Variants in SLC22A3 observed in about 807,000 individuals in gnomAD.
The protein encoded by SLC22A3 is EMT organic cation transporter 3.
A neutral mutation model predicts 59.1 loss-of-function variants in SLC22A3; 51 were observed. That is an observed-to-expected ratio of 0.86 (90% CI 0.69 to 1.09). The LOEUF (loss-of-function observed/expected upper bound fraction) is 1.09. Among genes scored for constraint, SLC22A3 ranks in the 50% least tolerant of loss-of-function variants. The probability of loss-of-function intolerance (pLI) is 0.00; values close to 1 mark genes in which losing one functional copy is unlikely to be tolerated. For synonymous variants in SLC22A3, 325 were observed against 292.0 expected (o/e 1.11, Z -1.15); for missense variants, 711 against 726.3 (o/e 0.98, Z 0.24).
intron 5 of SLC22A3, among the ~76,000 whole-genome samples, chr6:160,425,141 T>G (rs1194316602): frequency 2.0e-5 from 3 of 152,200 alleles, no homozygotes; most frequent in Admixed American, 1.3e-4. Context: ...GTAAACAACT[T>G]GGTACATTTT....
chr6:160,353,676 G>A (rs922230122), intron 1 of SLC22A3, among the ~76,000 whole-genome samples: 6 of 152,124 alleles, frequency 3.9e-5, no homozygotes, highest in African/African-American at 1.4e-4. Context: ...AGGAGCAGTG[G>A]TTGGTGTGCA....
intron 1 of SLC22A3, among the ~76,000 whole-genome samples, chr6:160,353,880 C>T (rs1784741430): frequency 1.3e-5 from 2 of 152,076 alleles, no homozygotes; most frequent in African/African-American, 2.4e-5. Flanking sequence ...CCACCAAGCA[C>T]ACCCTGGAGA....
At chr6:160,364,421 A>G (rs774029769) in intron 1 of SLC22A3, among the ~76,000 whole-genome samples, 2 of 152,246 alleles carry the variant, frequency 1.3e-5, no homozygotes, top group African/African-American at 2.4e-5. Flanking sequence ...TGTGACACAG[A>G]TGAGTAGATG....
chr6:160,442,806 G>A lies in SLC22A3; in HGVS notation c.1334G>A (p.Gly445Glu), dbSNP rs749901413. ...RTTVATLGRL[G>E]ITMAFEIVYL... ...ACAGTGGCTACATTGGGAAGACTAG[G>A]GATAACCATGGCCTTTGAAATTGTT... Residue 445 changes from glycine to glutamate, a missense_variant, in exon 8 of 11, where the codon GGG becomes GAG. Transcript: ENST00000275300. 1 of 1,614,022 alleles carries A rather than the reference G, an allele frequency of 6.2e-7. No individual in the cohort carries two copies. Among genetic ancestry groups the A allele is most frequent in the Admixed American group, 1.7e-5 (1 of 60,004 alleles).
At chr6:160,432,795 T>C (rs1788200864) in intron 5 of SLC22A3, among the ~76,000 whole-genome samples, 1 of 152,232 alleles carries the variant, frequency 6.6e-6, no homozygotes, top group African/African-American at 2.4e-5. Context: ...ATATTCTACA[T>C]ACTGCAGACA....
chr6:160,436,714 A>G, intron 5 of SLC22A3, 66 bp from the exon 6 acceptor site: 1 of 992,194 alleles, frequency 1.0e-6, no homozygotes, highest in East Asian at 2.4e-5. Flanking sequence ...GTTAATGACA[A>G]GTCTATACTA....
chr6:160,429,319 T>C (rs1788068770), intron 5 of SLC22A3, among the ~76,000 whole-genome samples: 1 of 152,188 alleles, frequency 6.6e-6, no homozygotes, highest in South Asian at 2.1e-4. Context: ...TTCTTTCTTA[T>C]TGGTGTCATC....
chr6:160,407,193 T>C lies in SLC22A3; in HGVS notation c.686T>C (p.Ile229Thr), dbSNP rs771916142. The part of the protein sequence containing the change: ...GKGTWMTCYV[I>T]VTEIVGSKQR... Reference sequence around the variant, plus strand: ...GGGACGTGGATGACTTGCTACGTGATTGGTAAGACATTCTTACACCATCTT... The same window carrying C: ...GGGACGTGGATGACTTGCTACGTGACTGGTAAGACATTCTTACACCATCTT... The change falls in exon 3 of 11, where the codon ATT becomes ACT. Residue 229 changes from isoleucine (I) to threonine (T), a missense_variant and splice_region_variant. Physicochemically the swap from Ile to Thr is moderately conservative, Grantham distance 89. Coordinates refer to ENST00000275300, the MANE Select transcript of SLC22A3 (RefSeq NM_021977.4). 13 of 1,606,592 alleles carry C rather than the reference T, an allele frequency of 8.1e-6. No homozygotes were observed. The highest frequency in any genetic ancestry group is 3.4e-5 in the Admixed American group (2 of 58,856).
Position 160,436,777 on chromosome 6 carries a change from T to C in SLC22A3, c.976-3T>C. The C allele has an allele frequency of 3.1e-6, 5 of 1,598,380 alleles. No homozygotes were observed. The highest frequency in any genetic ancestry group is 4.3e-6 in the Non-Finnish European group (5 of 1,165,930). ...GCTACTGAAATCTGCTTTTCTTATA[T>C]AGATCACTGTTACAGATGAGGAAGT... On this transcript the variant is annotated splice_polypyrimidine_tract_variant and splice_region_variant and intron_variant, in intron 5 of 10. Transcript: ENST00000275300.
At chr6:160,420,413 A>T (rs1220863009) in intron 5 of SLC22A3, among the ~76,000 whole-genome samples, 2 of 152,172 alleles carry the variant, frequency 1.3e-5, no homozygotes, top group Non-Finnish European at 2.9e-5. Flanking sequence ...CCTTTATCAA[A>T]ATGTTAACTA....
At chr6:160,398,199 C>A in intron 2 of SLC22A3, 117 bp downstream of exon 2, 1 of 741,542 alleles carries the variant, frequency 1.3e-6, no homozygotes, top group African/African-American at 1.7e-5. Context: ...GCAAACAATT[C>A]TTGATTCCAT....
intron 5 of SLC22A3, among the ~76,000 whole-genome samples, chr6:160,433,460 A>G (rs1788225057): frequency 6.6e-6 from 1 of 152,146 alleles, no homozygotes; most frequent in Non-Finnish European, 1.5e-5. Context: ...AGTCAGGAGG[A>G]TTGTTCAAGC....
chr6:160,425,623 G>T (rs1165832880), intron 5 of SLC22A3, among the ~76,000 whole-genome samples: 1 of 151,834 alleles, frequency 6.6e-6, no homozygotes, highest in South Asian at 2.1e-4. Context: ...AACTAAACAC[G>T]AAGTTGAAGA....
At chr6:160,397,057 A>G (rs1352084691) in intron 1 of SLC22A3, among the ~76,000 whole-genome samples, 7 of 152,176 alleles carry the variant, frequency 4.6e-5, no homozygotes, top group African/African-American at 1.7e-4. Context: ...AGCATATAAT[A>G]TTCATACTCT....
intron 5 of SLC22A3, among the ~76,000 whole-genome samples, chr6:160,431,012 G>A (rs758019572): frequency 6.6e-6 from 1 of 152,154 alleles, no homozygotes; most frequent in African/African-American, 2.4e-5. Context: ...CGGTTGTGGT[G>A]GTGGTTATAA....
intron 5 of SLC22A3, among the ~76,000 whole-genome samples, chr6:160,436,414 C>T (rs1788336008): frequency 6.6e-6 from 1 of 152,160 alleles, no homozygotes; most frequent in Non-Finnish European, 1.5e-5. Context: ...TTGTGAAAGT[C>T]AGATTTGAGG....
Position 160,452,495 on chromosome 6 carries a change from G to A in SLC22A3, c.*1439G>A, listed in dbSNP as rs917070063. ...TTGCTTTTCTCTGCATTTCTCTGCTGTAAGATGACTGTTGCATTGTTGAAT... is the reference window on the plus strand; with the variant it reads ...TTGCTTTTCTCTGCATTTCTCTGCTATAAGATGACTGTTGCATTGTTGAAT... On this transcript the variant is annotated 3_prime_UTR_variant, in exon 11 of 11. Coordinates refer to ENST00000275300, the MANE Select transcript of SLC22A3 (RefSeq NM_021977.4). 6.6e-6 allele frequency: 1 copy of A among 152,190 alleles called. No homozygotes were observed. Among genetic ancestry groups the A allele is most frequent in the South Asian group, 2.1e-4 (1 of 4,824 alleles). 9.4% of individuals were successfully genotyped at this position (152,190 alleles called of 1,614,324 possible). A position where few individuals can be genotyped will look rare whatever the true frequency, so the allele number is the denominator to read the frequency against.
intron 1 of SLC22A3, among the ~76,000 whole-genome samples, chr6:160,358,435 C>T (rs1784910583): frequency 6.6e-6 from 1 of 152,156 alleles, no homozygotes; most frequent in Non-Finnish European, 1.5e-5. Context: ...TGGCAAGCCC[C>T]TAGGGCTGAG....
chr6:160,353,886 GGA>G (rs1784741794), intron 1 of SLC22A3, among the ~76,000 whole-genome samples: 1 of 152,106 alleles, frequency 6.6e-6, no homozygotes, highest in African/African-American at 2.4e-5. Context: ...AGCACACCCT[GGA>G]GACTCTCAGA....
Sources: gnomAD v4.1 joint callset for allele counts (sites outside exome capture counted in the v4.1 genomes callset) on GRCh38, gnomAD v4.1.1 for gene constraint, MANE v1.5 for transcripts, NCBI Gene and HGNC (gene_info 2026-07-23, HGNC 2026-07-21) for gene names.